Variants in CRACD observed in about 807,000 individuals in gnomAD.
The protein encoded by CRACD is capping protein-inhibiting regulator of actin dynamics.
Under a neutral mutation model 106.8 loss-of-function variants are expected in CRACD, and 56 were observed. That is an observed-to-expected ratio of 0.52 (90% CI 0.42 to 0.66). The LOEUF is 0.66. Among genes scored for constraint, CRACD ranks in the 30% least tolerant of loss-of-function variants. The pLI is 0.00. For synonymous variants in CRACD, 754 were observed against 670.8 expected, an observed-to-expected ratio of 1.12 and a Z score of -1.92; for missense variants, 1,730 against 1,623.2, an observed-to-expected ratio of 1.07 and a Z score of -1.13.
At chr4:56,289,596 C>G (rs185164067) in intron 3 of CRACD, among the ~76,000 whole-genome samples, 98 of 151,682 alleles carry the variant, frequency 6.5e-4, no homozygotes, top group East Asian at 2.1e-3. Context: ...TCCCTTGAGC[C>G]TGGAGAGTTC....
At chr4:56,075,754 G>T (rs1732819665) in intron 1 of CRACD, among the ~76,000 whole-genome samples, 1 of 152,014 alleles carries the variant, frequency 6.6e-6, no homozygotes, top group South Asian at 2.1e-4. Flanking sequence ...CGTGTCCATG[G>T]GTTCCTTTCC....
intron 1 of CRACD, among the ~76,000 whole-genome samples, chr4:56,118,650 G>A (rs894616152): frequency 6.6e-6 from 1 of 152,174 alleles, no homozygotes; most frequent in South Asian, 2.1e-4. Context: ...TATAGTCCCA[G>A]CTACTAGGGA....
At chr4:56,254,962 A>G (rs943024408) in intron 2 of CRACD, among the ~76,000 whole-genome samples, 9 of 151,674 alleles carry the variant, frequency 5.9e-5, no homozygotes, top group African/African-American at 2.2e-4. Context: ...AAAAATAATA[A>G]TAATAACTAG....
At chr4:56,303,444 GCTTAT>G (rs758954583) in intron 4 of CRACD, among the ~76,000 whole-genome samples, 10 of 148,264 alleles carry the variant, frequency 6.7e-5, no homozygotes, top group South Asian at 4.2e-4. Flanking sequence ...TTAAAGTCTG[GCTTAT>G]CTTAACAGTC....
chr4:56,147,176 C>T (rs565568088), intron 1 of CRACD, among the ~76,000 whole-genome samples: 1 of 152,078 alleles, frequency 6.6e-6, no homozygotes, highest in African/African-American at 2.4e-5. Context: ...CAAAATTGGC[C>T]CCTGGAATTT....
chr4:56,327,178 A>G (rs925597540), intron 10 of CRACD, among the ~76,000 whole-genome samples: 2 of 152,178 alleles, frequency 1.3e-5, no homozygotes, highest in Non-Finnish European at 2.9e-5. Flanking sequence ...AGAACTGACT[A>G]CTTTGGTTGT....
chr4:56,113,717 G>A (rs974825273), intron 1 of CRACD, among the ~76,000 whole-genome samples: 1 of 152,104 alleles, frequency 6.6e-6, no homozygotes, highest in East Asian at 1.9e-4. Flanking sequence ...CCACCAGACT[G>A]TCAAACCTCT....
chr4:56,171,903 G>A (rs1736383002), intron 1 of CRACD, among the ~76,000 whole-genome samples: 1 of 151,884 alleles, frequency 6.6e-6, no homozygotes, highest in Non-Finnish European at 1.5e-5. Context: ...AAGGAGGTCT[G>A]TTGAACCTGC....
chr4:56,223,054 A>G (rs977878183), intron 2 of CRACD, among the ~76,000 whole-genome samples: 3 of 150,828 alleles, frequency 2.0e-5, no homozygotes, highest in Admixed American at 6.6e-5. Context: ...AAAAAAAAAA[A>G]GCAGCAGATC....
intron 2 of CRACD, among the ~76,000 whole-genome samples, chr4:56,197,629 T>G (rs1330337849): frequency 6.6e-6 from 1 of 152,138 alleles, no homozygotes; most frequent in Non-Finnish European, 1.5e-5. Flanking sequence ...TTACCACATC[T>G]CTAGGGAGGT....
At chr4:56,093,078 T>C (rs999348094) in intron 1 of CRACD, among the ~76,000 whole-genome samples, 11 of 152,218 alleles carry the variant, frequency 7.2e-5, no homozygotes, top group African/African-American at 2.7e-4. Context: ...TGGAGTTTTT[T>C]CATAGTTTCT....
At chr4:56,145,028 T>TC (rs1196187043) in intron 1 of CRACD, among the ~76,000 whole-genome samples, 1 of 152,084 alleles carries the variant, frequency 6.6e-6, no homozygotes, top group Admixed American at 6.6e-5. Context: ...CTTCAAGTTA[T>TC]CCCCCCGCCC....
intron 3 of CRACD, among the ~76,000 whole-genome samples, chr4:56,295,660 C>CATAT (rs57635563): frequency 3.3e-4 from 36 of 109,114 alleles, no homozygotes; most frequent in East Asian, 1.2e-3. Context: ...AATTAGTAAA[C>CATAT]ATATATATAT....
intron 1 of CRACD, among the ~76,000 whole-genome samples, chr4:56,175,849 C>T (rs578029090): frequency 2.0e-5 from 3 of 152,340 alleles, no homozygotes; most frequent in Admixed American, 6.5e-5. Context: ...TACTCAATAA[C>T]TTTGTCCAGG....
At chr4:56,091,303 C>T (rs1733417010) in intron 1 of CRACD, among the ~76,000 whole-genome samples, 1 of 151,890 alleles carries the variant, frequency 6.6e-6, no homozygotes. Context: ...CCATTTCAGA[C>T]ACCCAGAGTG....
chr4:56,107,669 A>G (rs1435244588), intron 1 of CRACD, among the ~76,000 whole-genome samples: 3 of 152,140 alleles, frequency 2.0e-5, no homozygotes, highest in Non-Finnish European at 4.4e-5. Flanking sequence ...GCTTCTTCAG[A>G]TCATCCAACC....
chr4:56,215,233 C>A (rs932064773), intron 2 of CRACD, among the ~76,000 whole-genome samples: 1 of 152,112 alleles, frequency 6.6e-6, no homozygotes, highest in Non-Finnish European at 1.5e-5. Context: ...GTTGCCCAGG[C>A]TGATCTTGAA....
intron 1 of CRACD, among the ~76,000 whole-genome samples, chr4:56,129,628 GC>G (rs776154229): frequency 3.3e-5 from 5 of 152,206 alleles, no homozygotes; most frequent in Non-Finnish European, 7.3e-5. Context: ...ACACTGGAGG[GC>G]ACTCGATGAT....
intron 1 of CRACD, among the ~76,000 whole-genome samples, chr4:56,084,187 A>G (rs74427449): frequency 6.6e-6 from 1 of 152,198 alleles, no homozygotes; most frequent in Non-Finnish European, 1.5e-5. Context: ...TAACAAAAAT[A>G]ATACTACATA....
Sources: gnomAD v4.1 joint callset for allele counts (sites outside exome capture counted in the v4.1 genomes callset) on GRCh38, gnomAD v4.1.1 for gene constraint, MANE v1.5 for transcripts, NCBI Gene and HGNC (gene_info 2026-07-23, HGNC 2026-07-21) for gene names.